ANGPT1: variants seen among roughly 807,000 people sequenced by gnomAD.
ANGPT1 encodes angiopoietin 1, also known as angiopoietin-1.
A neutral mutation model predicts 62.2 loss-of-function variants in ANGPT1; 17 were observed. That is an observed-to-expected ratio of 0.27 (90% CI 0.19 to 0.41). The LOEUF is 0.41. Among genes scored for constraint, ANGPT1 ranks in the 10% least tolerant of loss-of-function variants. The pLI is 1.00. For missense variants in ANGPT1, 478 were observed against 594.9 expected, an observed-to-expected ratio of 0.80 and a Z score of 2.04; for synonymous variants, 199 against 198.9, an observed-to-expected ratio of 1.00 and a Z score of 0.00.
chr8:107,348,221 T>C lies in ANGPT1; in HGVS notation c.298-1124A>G, dbSNP rs575980326. Among the ~76,000 whole-genome samples the C allele has an allele frequency of 3.0e-3, 452 of 152,296 alleles. 1 individual carries two copies. Among genetic ancestry groups the C allele is most frequent in the Non-Finnish European group, 5.3e-3 (363 of 68,008 alleles). ...GACAAGTCGTGCTTCACAAGCCGGGTTCCAAATCATTAACAGCTATGTGAT... is the reference window on the plus strand; with the variant it reads ...GACAAGTCGTGCTTCACAAGCCGGGCTCCAAATCATTAACAGCTATGTGAT... On this transcript the variant is annotated intron_variant, in intron 1 of 8. Coordinates refer to ENST00000517746, the MANE Select transcript of ANGPT1 (RefSeq NM_001146.5).
intron 1 of ANGPT1, among the ~76,000 whole-genome samples, chr8:107,364,399 G>A (rs1420752600): frequency 6.6e-6 from 1 of 152,096 alleles, no homozygotes; most frequent in Admixed American, 6.6e-5. Context: ...TCCTGCCTCA[G>A]CCTCCCTAGT....
chr8:107,313,099 T>G (rs561514228), intron 4 of ANGPT1, among the ~76,000 whole-genome samples: 2 of 152,124 alleles, frequency 1.3e-5, no homozygotes, highest in Non-Finnish European at 2.9e-5. Flanking sequence ...GTCATCCCAC[T>G]TGTGAAAATG....
At chr8:107,341,121 G>A (rs1815687367) in intron 2 of ANGPT1, among the ~76,000 whole-genome samples, 1 of 152,188 alleles carries the variant, frequency 6.6e-6, no homozygotes. Context: ...CCCTAACCAA[G>A]TTAAAGAACA....
At chr8:107,278,321 C>A (rs1813913780) in intron 7 of ANGPT1, among the ~76,000 whole-genome samples, 1 of 152,120 alleles carries the variant, frequency 6.6e-6, no homozygotes, top group Non-Finnish European at 1.5e-5. Context: ...TGACCTCAAG[C>A]AGTCCTCCCA....
chr8:107,406,033 T>A (rs1205156558), intron 1 of ANGPT1, among the ~76,000 whole-genome samples: 7 of 151,992 alleles, frequency 4.6e-5, no homozygotes, highest in African/African-American at 1.7e-4. Context: ...GTGTTCATAC[T>A]TCTATGTCCT....
chr8:107,454,931 A>T (rs1811877608), intron 1 of ANGPT1, among the ~76,000 whole-genome samples: 1 of 152,024 alleles, frequency 6.6e-6, no homozygotes, highest in Admixed American at 6.6e-5. Flanking sequence ...TCCTCAAAAC[A>T]TTGCCTGGGC....
At chr8:107,294,946 T>C (rs1814375538) in intron 5 of ANGPT1, 3 of 152,118 alleles carry the variant, frequency 2.0e-5, no homozygotes, top group Non-Finnish European at 4.4e-5. Context: ...TACTAAAGCA[T>C]GTTGAAGCTT....
At chr8:107,400,666 TCTC>T (rs1315822695) in intron 1 of ANGPT1, among the ~76,000 whole-genome samples, 1 of 151,740 alleles carries the variant, frequency 6.6e-6, no homozygotes, top group African/African-American at 2.4e-5. Context: ...TTCATGCAAT[TCTC>T]CTGTCTCAGC....
At chr8:107,336,478 A>C in intron 2 of ANGPT1, 2 of 620,412 alleles carry the variant, frequency 3.2e-6, no homozygotes, top group South Asian at 5.7e-5. Flanking sequence ...ATCCTGGCAA[A>C]CATGGTGAAA....
At chr8:107,310,766 A>G (rs571397731) in intron 4 of ANGPT1, among the ~76,000 whole-genome samples, 1 of 152,266 alleles carries the variant, frequency 6.6e-6, no homozygotes, top group South Asian at 2.1e-4. Context: ...ATACCCTTAA[A>G]GTCACACTGA....
chr8:107,270,877 A>C (rs541903523), intron 7 of ANGPT1, among the ~76,000 whole-genome samples: 15 of 152,222 alleles, frequency 9.9e-5, no homozygotes, highest in African/African-American at 3.6e-4. Flanking sequence ...GGATGTGAGT[A>C]GGAAGACTAA....
chr8:107,474,109 C>A (rs1283735035), intron 1 of ANGPT1, among the ~76,000 whole-genome samples: 1 of 152,076 alleles, frequency 6.6e-6, no homozygotes, highest in Non-Finnish European at 1.5e-5. Flanking sequence ...CATCCTGATA[C>A]CAAAGCCTGA....
chr8:107,441,809 A>G (rs1331731447), intron 1 of ANGPT1, among the ~76,000 whole-genome samples: 1 of 152,068 alleles, frequency 6.6e-6, no homozygotes, highest in Non-Finnish European at 1.5e-5. Flanking sequence ...AGTCCTGGCC[A>G]GGCGCATGGC....
At chr8:107,405,203 C>T (rs1314012072) in intron 1 of ANGPT1, among the ~76,000 whole-genome samples, 2 of 151,704 alleles carry the variant, frequency 1.3e-5, no homozygotes, top group Non-Finnish European at 2.9e-5. Flanking sequence ...TATATGTATG[C>T]ATATAATGTG....
Position 107,390,073 on chromosome 8 carries a change from C to T in ANGPT1, c.298-42976G>A, listed in dbSNP as rs919713137. Among the ~76,000 whole-genome samples the T allele has an allele frequency of 1.2e-4, 19 of 152,272 alleles. No homozygotes were observed. The East Asian group carries it at 3.5e-3, about 28-fold the overall frequency. On this transcript the variant is annotated intron_variant, in intron 1 of 8. Coordinates refer to ENST00000517746, the MANE Select transcript of ANGPT1 (RefSeq NM_001146.5). ...TAAATCTAAACTCAATAACTGCATTCCCTTTCAGGTTAACTGGCCAAATAC... is the reference window on the plus strand; with the variant it reads ...TAAATCTAAACTCAATAACTGCATTTCCTTTCAGGTTAACTGGCCAAATAC...
chr8:107,349,675 C>T (rs1237717630), intron 1 of ANGPT1, among the ~76,000 whole-genome samples: 2 of 152,042 alleles, frequency 1.3e-5, no homozygotes, highest in Non-Finnish European at 2.9e-5. Context: ...CTCAGAAACC[C>T]CCAAACAACT....
intron 1 of ANGPT1, among the ~76,000 whole-genome samples, chr8:107,407,742 T>G (rs1346903009): frequency 6.6e-6 from 1 of 152,194 alleles, no homozygotes; most frequent in Non-Finnish European, 1.5e-5. Flanking sequence ...ACTCCCTGCC[T>G]TTTGGTCATT....
intron 1 of ANGPT1, among the ~76,000 whole-genome samples, chr8:107,465,608 TG>T (rs909514334): frequency 3.9e-5 from 6 of 152,290 alleles, no homozygotes; most frequent in Non-Finnish European, 5.9e-5. Context: ...ACACACTGAA[TG>T]ACAAGTCTAA....
chr8:107,286,428 A>C lies in ANGPT1; in HGVS notation c.1039-1580T>G, dbSNP rs375978535. On this transcript the variant is annotated intron_variant, in intron 6 of 8. Coordinates refer to ENST00000517746, the MANE Select transcript of ANGPT1 (RefSeq NM_001146.5). ...AAGAATTTTTAACATATTGCCTTGC[A>C]TGTGTCTTCATGTACTGTTCTATTT... Among the ~76,000 whole-genome samples, 43 of 152,232 alleles carry C rather than the reference A, an allele frequency of 2.8e-4. No homozygotes were observed. In the East Asian group the frequency reaches 7.0e-3, roughly 25 times the overall value.
Sources: allele counts gnomAD v4.1 joint callset (sites outside exome capture counted in the v4.1 genomes callset), GRCh38; gene constraint gnomAD v4.1.1; transcripts MANE v1.5; gene names NCBI Gene and HGNC (gene_info 2026-07-23, HGNC 2026-07-21).